Variants in LMNB1 observed in about 807,000 individuals in gnomAD.
LMNB1 encodes lamin B1.
In LMNB1, 23 loss-of-function variants were observed where a neutral mutation model predicts 67.1. That is an observed-to-expected ratio of 0.34 (90% CI 0.25 to 0.49). The LOEUF is 0.49. Among genes scored for constraint, LMNB1 ranks in the 20% least tolerant of loss-of-function variants. The probability of loss-of-function intolerance (pLI) is 0.99; values close to 1 mark genes in which losing one functional copy is unlikely to be tolerated. For missense variants in LMNB1, 634 were observed against 746.5 expected (o/e 0.85, Z 1.76); for synonymous variants, 281 against 282.9 (o/e 0.99, Z 0.07).
chr5:126,792,567 A>ATTTTTTTT (rs752371260), intron 1 of LMNB1, among the ~76,000 whole-genome samples: 1 of 99,154 alleles, frequency 1.0e-5, no homozygotes, highest in African/African-American at 4.2e-5. Flanking sequence ...AGCACTAGGG[A>ATTTTTTTT]TTTTTTTTTT....
intron 1 of LMNB1, among the ~76,000 whole-genome samples, chr5:126,783,770 G>A (rs1580523013): frequency 2.0e-5 from 3 of 151,964 alleles, no homozygotes; most frequent in South Asian, 2.1e-4. Flanking sequence ...TTATTCTTTC[G>A]TTTGTATAGA....
Position 126,822,052 on chromosome 5 carries a change from G to A in LMNB1, c.1387-729G>A, listed in dbSNP as rs1040065930. Among the ~76,000 whole-genome samples, 7 of 149,192 alleles carry A rather than the reference G, an allele frequency of 4.7e-5. No individual in the cohort carries two copies. The South Asian group carries it at 1.0e-3, about 22-fold the overall frequency. ...TGAGTCTTGCTCTGTTGCCCAGGTC[G>A]GAGTGCAGTGGCATGATCTTGGCTC... On this transcript the variant is annotated intron_variant, in intron 7 of 10. Coordinates refer to ENST00000261366, the MANE Select transcript of LMNB1 (RefSeq NM_005573.4).
Position 126,777,283 on chromosome 5 carries a change from G to T in LMNB1, c.-226G>T. 2.6e-6 allele frequency: 1 copy of T among 382,516 alleles called. No individual in the cohort carries two copies. The highest frequency in any genetic ancestry group is 4.6e-6 in the Non-Finnish European group (1 of 219,184). 23.7% of individuals were successfully genotyped at this position (382,516 alleles called of 1,614,324 possible). On this transcript the variant is annotated 5_prime_UTR_variant, in exon 1 of 11. Transcript: ENST00000261366. ...TGTGTTTTCTTACAAAGGGTATTTC[G>T]CGATCGATCGATTGATTCGTAGTTC...
intron 3 of LMNB1, among the ~76,000 whole-genome samples, chr5:126,809,229 A>G (rs1355397131): frequency 6.6e-6 from 1 of 152,250 alleles, no homozygotes. Context: ...GGAAAGGATC[A>G]TGACAACTAC....
intron 6 of LMNB1, among the ~76,000 whole-genome samples, chr5:126,820,404 A>T (rs891141444): frequency 1.3e-5 from 2 of 152,242 alleles, no homozygotes; most frequent in Non-Finnish European, 2.9e-5. Flanking sequence ...ATTTTTTAAA[A>T]AAGAAAATTG....
intron 3 of LMNB1, 124 bp from the exon 4 acceptor site, chr5:126,810,056 C>T: frequency 1.2e-6 from 1 of 806,996 alleles, no homozygotes; most frequent in Non-Finnish European, 1.9e-6. Context: ...ATTCACATGA[C>T]CGCCTGAGGA....
intron 3 of LMNB1, among the ~76,000 whole-genome samples, 193 bp downstream of exon 3, chr5:126,805,889 G>T (rs72780205): frequency 6.6e-5 from 10 of 152,176 alleles, no homozygotes; most frequent in African/African-American, 2.2e-4. Flanking sequence ...CTAAAAGACC[G>T]CATTTGAGAA....
chr5:126,829,408 A>G (rs916691732), intron 9 of LMNB1, among the ~76,000 whole-genome samples: 4 of 151,754 alleles, frequency 2.6e-5, no homozygotes, highest in African/African-American at 9.7e-5. Context: ...AGTGCTCTTT[A>G]TGGTGGAGTT....
At chr5:126,797,331 G>A (rs1475164759) in intron 1 of LMNB1, among the ~76,000 whole-genome samples, 3 of 152,150 alleles carry the variant, frequency 2.0e-5, no homozygotes, top group Non-Finnish European at 4.4e-5. Context: ...TTTCAGGAGC[G>A]TGTATATTTC....
intron 1 of LMNB1, among the ~76,000 whole-genome samples, chr5:126,784,820 G>A (rs1024822361): frequency 2.0e-5 from 3 of 150,364 alleles, no homozygotes; most frequent in South Asian, 2.1e-4. Flanking sequence ...CCACCACGCC[G>A]GGCTAATTTT....
Position 126,800,963 on chromosome 5 carries a change from AT to A in LMNB1, c.360-3812del, listed in dbSNP as rs1252075143. On this transcript the variant is annotated intron_variant, in intron 1 of 10. Transcript: ENST00000261366. The stretch of plus-strand genomic sequence containing the variant: ...CATTGCAGCCAGACTATATATATAT[AT>A]ATATATATATATATATAATTTTTTT... 4.2e-3 allele frequency among the ~76,000 whole-genome samples: 307 copies of A among 72,824 alleles called. 5 individuals are homozygous for A. Among genetic ancestry groups the A allele is most frequent in the Non-Finnish European group, 7.2e-3 (253 of 35,236 alleles). The allele number at this position is 72,824 out of a possible 152,430, so 47.8% of individuals were successfully genotyped here.
intron 1 of LMNB1, among the ~76,000 whole-genome samples, chr5:126,778,371 CAGAG>C (rs1750533623): frequency 6.6e-6 from 1 of 152,160 alleles, no homozygotes; most frequent in South Asian, 2.1e-4. Context: ...TTCGCGCGGG[CAGAG>C]AGAGGAAGGG....
At chr5:126,797,982 G>A (rs972914696) in intron 1 of LMNB1, among the ~76,000 whole-genome samples, 2 of 152,118 alleles carry the variant, frequency 1.3e-5, no homozygotes, top group African/African-American at 2.4e-5. Context: ...GCTTCTTGGG[G>A]GACTGAGATG....
At chr5:126,795,145 T>TTTTTTTTTA (rs1554113293) in intron 1 of LMNB1, among the ~76,000 whole-genome samples, 3 of 150,274 alleles carry the variant, frequency 2.0e-5, no homozygotes, top group African/African-American at 7.4e-5. Flanking sequence ...TTTTTTTTTT[T>TTTTTTTTTA]AAATAAGGAT....
chr5:126,819,783 C>T (rs1362709137), intron 6 of LMNB1, among the ~76,000 whole-genome samples: 4 of 152,074 alleles, frequency 2.6e-5, no homozygotes, highest in Admixed American at 2.0e-4. Flanking sequence ...CCACCACGCC[C>T]GGCTGGCTTT....
At chr5:126,798,223 C>T (rs999237008) in intron 1 of LMNB1, among the ~76,000 whole-genome samples, 4 of 152,000 alleles carry the variant, frequency 2.6e-5, no homozygotes, top group Admixed American at 2.0e-4. Flanking sequence ...GAGGCCAAGG[C>T]GGTTGGATCA....
intron 5 of LMNB1, among the ~76,000 whole-genome samples, chr5:126,816,922 C>T (rs1433406020): frequency 3.3e-5 from 5 of 151,980 alleles, no homozygotes; most frequent in Admixed American, 1.3e-4. Context: ...ACTATTTTTC[C>T]GTTCCCATAC....
intron 1 of LMNB1, among the ~76,000 whole-genome samples, chr5:126,793,655 T>A (rs887445574): frequency 6.6e-6 from 1 of 152,024 alleles, no homozygotes; most frequent in African/African-American, 2.4e-5. Context: ...CAGGTGGATC[T>A]CCTGAGGTCA....
chr5:126,815,129 T>G (rs1388998704), intron 5 of LMNB1: 1 of 152,208 alleles, frequency 6.6e-6, no homozygotes, highest in Non-Finnish European at 1.5e-5. Context: ...AAAATAAAAA[T>G]GTTATCTTTT....
Sources: gnomAD v4.1 joint callset for allele counts (sites outside exome capture counted in the v4.1 genomes callset) on GRCh38, gnomAD v4.1.1 for gene constraint, MANE v1.5 for transcripts, NCBI Gene and HGNC (gene_info 2026-07-23, HGNC 2026-07-21) for gene names.